The following IPCEF1 variants were observed in gnomAD, a reference collection of about 807,000 sequenced individuals.
IPCEF1 encodes the protein interaction protein for cytohesin exchange factors 1.
A neutral mutation model predicts 50.9 loss-of-function variants in IPCEF1; 31 were observed. That is an observed-to-expected ratio of 0.61 (90% confidence interval 0.46 to 0.82). The LOEUF is 0.82. IPCEF1 is among the 40% of genes least tolerant of loss of function. The probability of loss-of-function intolerance (pLI) is 0.00; values close to 1 mark genes in which losing one functional copy is unlikely to be tolerated. For synonymous variants in IPCEF1, 181 were observed against 192.0 expected, an observed-to-expected ratio of 0.94 and a Z score of 0.47; for missense variants, 458 against 514.0, an observed-to-expected ratio of 0.89 and a Z score of 1.05.
intron 10 of IPCEF1, among the ~76,000 whole-genome samples, chr6:154,180,854 A>C (rs893307793): frequency 6.6e-6 from 1 of 152,178 alleles, no homozygotes. Context: ...AGGGAAGATA[A>C]TTTTAGTTCC....
At chr6:154,187,457 C>T (rs1309412650) in intron 10 of IPCEF1, among the ~76,000 whole-genome samples, 3 of 152,172 alleles carry the variant, frequency 2.0e-5, no homozygotes, top group African/African-American at 4.8e-5. Context: ...ATATAAAAAG[C>T]ACTTGACAAA....
chr6:154,247,452 GAGTTT>G lies in IPCEF1; in HGVS notation c.68_72del (p.Lys23ThrfsTer14). On this transcript the variant is annotated frameshift_variant, in exon 4 of 12. Transcript: ENST00000367220. LOFTEE classifies it high-confidence loss of function. ...GAAACAAAAGAGATCTAATTACCTT[GAGTTT>G]TCCTCCTGGGCTTCTGACGCAAGGG... 1 of 1,612,190 alleles carries G rather than the reference GAGTTT, an allele frequency of 6.2e-7. No homozygotes were observed.
intron 2 of IPCEF1, among the ~76,000 whole-genome samples, chr6:154,266,282 G>C (rs1241250329): frequency 6.6e-6 from 1 of 151,942 alleles, no homozygotes; most frequent in Non-Finnish European, 1.5e-5. Context: ...CTGCTCAGGA[G>C]GCTGAGGTGG....
chr6:154,318,110 A>T (rs1783269681), intron 1 of IPCEF1, among the ~76,000 whole-genome samples: 1 of 152,226 alleles, frequency 6.6e-6, no homozygotes, highest in Non-Finnish European at 1.5e-5. Flanking sequence ...CCACATGACA[A>T]CTTTGCTATG....
At chr6:154,212,896 A>G in intron 8 of IPCEF1, 41 bp from the exon 9 acceptor site, 3 of 1,343,044 alleles carry the variant, frequency 2.2e-6, no homozygotes, top group Non-Finnish European at 3.2e-6. Context: ...TAACGCTGTC[A>G]TCGCTTATTC....
chr6:154,333,113 G>C (rs968393227), intron 1 of IPCEF1, among the ~76,000 whole-genome samples: 1 of 152,154 alleles, frequency 6.6e-6, no homozygotes, highest in African/African-American at 2.4e-5. Context: ...GGTGTTACTG[G>C]AACTGAAGTC....
rs77143407 is a variant in IPCEF1 at position 154,261,537 on chromosome 6, A to G, written c.36+4375T>C. Among the ~76,000 whole-genome samples the G allele has an allele frequency of 2.3e-3, 351 of 152,310 alleles. 2 individuals carry two copies. Among genetic ancestry groups the G allele is most frequent in the African/African-American group, 8.2e-3 (342 of 41,572 alleles). ...GAGAAATATTTAAGAGACTGAACCG[A>G]TAGAACTTGGTGGATCGATACTTTT... On this transcript the variant is annotated intron_variant, in intron 3 of 11. Transcript: ENST00000367220.
chr6:154,279,897 A>G (rs1302745582), intron 2 of IPCEF1, among the ~76,000 whole-genome samples: 2 of 152,246 alleles, frequency 1.3e-5, no homozygotes, highest in East Asian at 1.9e-4. Context: ...CAATTAGCCA[A>G]TATACATAGG....
chr6:154,264,929 C>T (rs9397702), intron 3 of IPCEF1, among the ~76,000 whole-genome samples: 32,767 of 152,132 alleles, frequency 0.22, 4,156 homozygotes, highest in Admixed American at 0.42. Flanking sequence ...TTCTAATTTG[C>T]GTCAAGAAAC....
At position 154,333,623 on chromosome 6, in the gene IPCEF1, C is replaced by CATATATAT. The variant is rs1562293359; in HGVS notation, c.-62+23048_-62+23049insATATATAT. Among the ~76,000 whole-genome samples the CATATATAT allele has an allele frequency of 4.9e-5, 7 of 143,608 alleles. No individual in the cohort carries two copies. The East Asian group carries it at 1.2e-3, about 24-fold the overall frequency. 94.2% of individuals were successfully genotyped at this position (143,608 alleles called of 152,430 possible). On this transcript the variant is annotated intron_variant, in intron 1 of 11. Coordinates refer to ENST00000367220, the MANE Select transcript of IPCEF1 (RefSeq NM_001130700.2). ...ATATGTATACAAGTATACATATATACGTACATATGTATACAAGTATACATG... is the reference window on the plus strand; with the variant it reads ...ATATGTATACAAGTATACATATATACATATATATGTACATATGTATACAAGTATACATG...
chr6:154,356,746 A>C lies in IPCEF1; in HGVS notation c.-136T>G, dbSNP rs1784223370. The stretch of plus-strand genomic sequence containing the variant: ...GAAGCCTCATAGTACTCTGAGGCCA[A>C]GCTTGAGGATTCTACTTAAAGCAGC... On this transcript the variant is annotated 5_prime_UTR_variant, in exon 1 of 12. Coordinates refer to ENST00000367220, the MANE Select transcript of IPCEF1 (RefSeq NM_001130700.2). The C allele has an allele frequency of 1.3e-5, 2 of 152,208 alleles. No homozygotes were observed. Among genetic ancestry groups the C allele is most frequent in the African/African-American group, 4.8e-5 (2 of 41,450 alleles). 9.4% of individuals were successfully genotyped at this position (152,208 alleles called of 1,614,324 possible). A position where few individuals can be genotyped will look rare whatever the true frequency, so the allele number is the denominator to read the frequency against.
At chr6:154,288,676 C>CAAAA (rs558703057) in intron 2 of IPCEF1, among the ~76,000 whole-genome samples, 7 of 46,926 alleles carry the variant, frequency 1.5e-4, no homozygotes, top group African/African-American at 4.4e-4. Flanking sequence ...ACAAAAAAAA[C>CAAAA]AAAAAAAAAA....
chr6:154,317,411 T>G (rs1316795385), intron 1 of IPCEF1, among the ~76,000 whole-genome samples: 1 of 151,454 alleles, frequency 6.6e-6, no homozygotes, highest in Admixed American at 6.6e-5. Flanking sequence ...TAGCTGGGCA[T>G]GGTGGCAGGC....
At chr6:154,223,025 G>T (rs1778989032) in intron 6 of IPCEF1, 145 bp downstream of exon 6, 3 of 670,408 alleles carry the variant, frequency 4.5e-6, no homozygotes, top group African/African-American at 1.8e-5. Context: ...CTATTTCTAT[G>T]TAGGGTGCCA....
chr6:154,317,922 T>A (rs1783265101), intron 1 of IPCEF1, among the ~76,000 whole-genome samples: 1 of 152,170 alleles, frequency 6.6e-6, no homozygotes, highest in Non-Finnish European at 1.5e-5. Context: ...ATAATTCAGG[T>A]TGGAAACAAC....
intron 1 of IPCEF1, among the ~76,000 whole-genome samples, chr6:154,295,155 G>A (rs755392963): frequency 1.3e-4 from 20 of 151,920 alleles, no homozygotes; most frequent in South Asian, 6.2e-4. Context: ...CTGAGATTGC[G>A]CCACTGCACT....
chr6:154,299,026 A>G (rs1055344755), intron 1 of IPCEF1, among the ~76,000 whole-genome samples: 4 of 141,620 alleles, frequency 2.8e-5, no homozygotes, highest in Middle Eastern at 7.0e-3. Flanking sequence ...AATCTAAGGA[A>G]GAAGAATGCC....
At chr6:154,209,872 T>G (rs892991083) in intron 9 of IPCEF1, among the ~76,000 whole-genome samples, 2 of 152,294 alleles carry the variant, frequency 1.3e-5, no homozygotes, top group Admixed American at 1.3e-4. Flanking sequence ...CCAATATATT[T>G]CTTTAGAAAA....
At chr6:154,296,625 C>A (rs566812331) in intron 1 of IPCEF1, among the ~76,000 whole-genome samples, 131 of 152,198 alleles carry the variant, frequency 8.6e-4, no homozygotes, top group African/African-American at 1.6e-3. Flanking sequence ...GTCAGGAGAT[C>A]AAGACCATCC....
Sources: allele counts gnomAD v4.1 joint callset (sites outside exome capture counted in the v4.1 genomes callset), GRCh38; gene constraint gnomAD v4.1.1; transcripts MANE v1.5; gene names NCBI Gene and HGNC (gene_info 2026-07-23, HGNC 2026-07-21).